The following MSRB3 variants were observed in gnomAD, a reference collection of about 807,000 sequenced individuals.
MSRB3 encodes methionine-R-sulfoxide reductase B3.
In MSRB3, 13 loss-of-function variants were observed where a neutral mutation model predicts 21.0. The observed-to-expected ratio is 0.62, with a 90% CI of 0.40 to 0.98. MSRB3 has a LOEUF of 0.98. Ranked by LOEUF, MSRB3 falls within the 50% of genes least tolerant of loss-of-function variation. The probability of loss-of-function intolerance (pLI) is 0.00; values close to 1 mark genes in which losing one functional copy is unlikely to be tolerated. For synonymous variants in MSRB3, 87 were observed against 88.6 expected (o/e 0.98, Z 0.10); for missense variants, 199 against 230.3 (o/e 0.86, Z 0.88).
At chr12:65,451,536 A>G (rs1278197908) in intron 5 of MSRB3, among the ~76,000 whole-genome samples, 1 of 152,156 alleles carries the variant, frequency 6.6e-6, no homozygotes, top group Non-Finnish European at 1.5e-5. Context: ...TGGCTTTGCT[A>G]CTTACTGCCT....
rs1883426050 is a variant in MSRB3, at chr12:65,463,483, A to G, written c.*161A>G. The G allele has an allele frequency of 3.5e-6, 3 of 861,674 alleles. No individual in the cohort carries two copies. The East Asian group carries it at 8.1e-5, about 23-fold the overall frequency. 53.4% of individuals were successfully genotyped at this position (861,674 alleles called of 1,614,324 possible). Reference sequence around the variant, plus strand: ...GCTTAAACAGAAGCCCTGGCCATCCATGTATTTTGCAATTGACTAGATCAA... The same window carrying G: ...GCTTAAACAGAAGCCCTGGCCATCCGTGTATTTTGCAATTGACTAGATCAA... On this transcript the variant is annotated 3_prime_UTR_variant, in exon 7 of 7. Coordinates refer to ENST00000308259, the MANE Select transcript of MSRB3 (RefSeq NM_001031679.3).
At chr12:65,386,058 A>C (rs1482207564) in intron 5 of MSRB3, among the ~76,000 whole-genome samples, 1 of 151,928 alleles carries the variant, frequency 6.6e-6, no homozygotes, top group East Asian at 1.9e-4. Context: ...CTTACTTAAA[A>C]ATCATTTTTT....
At chr12:65,314,054 G>A (rs142005741) in intron 2 of MSRB3, among the ~76,000 whole-genome samples, 2 of 152,216 alleles carry the variant, frequency 1.3e-5, no homozygotes, top group East Asian at 1.9e-4. Flanking sequence ...CTTATATTAT[G>A]TTCAAACAAT....
intron 5 of MSRB3, among the ~76,000 whole-genome samples, chr12:65,391,984 T>G (rs1313489908): frequency 6.6e-6 from 1 of 152,220 alleles, no homozygotes; most frequent in Non-Finnish European, 1.5e-5. Flanking sequence ...CTGATTTTCC[T>G]GCTACAGTAG....
At chr12:65,440,732 T>C (rs1295924488) in intron 5 of MSRB3, among the ~76,000 whole-genome samples, 4 of 151,902 alleles carry the variant, frequency 2.6e-5, no homozygotes, top group Non-Finnish European at 5.9e-5. Context: ...TCTGGTCTAG[T>C]GACATAAGTA....
Position 65,460,219 on chromosome 12 carries a change from G to A in MSRB3, c.391-2936G>A, listed in dbSNP as rs144493784. Among the ~76,000 whole-genome samples the A allele has an allele frequency of 2.3e-3, 351 of 152,300 alleles. 2 individuals are homozygous for A. Among genetic ancestry groups the A allele is most frequent in the African/African-American group, 7.8e-3 (326 of 41,570 alleles). On this transcript the variant is annotated intron_variant, in intron 6 of 6. Transcript: ENST00000308259. ...ACCCCAACACATTGCCAGTTGGCTG[G>A]GGCCTGGGAGGCAGAGCTTGCAGGC...
intron 1 of MSRB3, 176 bp downstream of exon 1, chr12:65,279,041 G>T: frequency 7.0e-7 from 1 of 1,426,878 alleles, no homozygotes; most frequent in Non-Finnish European, 9.1e-7. Flanking sequence ...GTTGCGCCCC[G>T]CGCCAGCGGT....
intron 6 of MSRB3, among the ~76,000 whole-genome samples, chr12:65,456,850 G>T (rs1883110745): frequency 6.6e-6 from 1 of 152,222 alleles, no homozygotes. Flanking sequence ...TGCCCTTGTG[G>T]ATGGAGGAGG....
At chr12:65,300,809 G>C (rs1873282873) in intron 1 of MSRB3, among the ~76,000 whole-genome samples, 1 of 152,324 alleles carries the variant, frequency 6.6e-6, no homozygotes, top group Middle Eastern at 3.4e-3. Context: ...GAACATTGCT[G>C]TTCCCTGCTG....
rs572154926 is a variant in MSRB3, at chr12:65,352,795, C to T, written c.264-16203C>T. 5.2e-3 allele frequency among the ~76,000 whole-genome samples: 780 copies of T among 150,358 alleles called. 6 individuals are homozygous for T. Among genetic ancestry groups the T allele is most frequent in the African/African-American group, 0.018 (727 of 40,948 alleles). ...CCTCTTCAAGGAGAACTACAAACCA[C>T]TGCTCAATGAAATAAAAGAGGATAC... On this transcript the variant is annotated intron_variant, in intron 4 of 6. Coordinates refer to ENST00000308259, the MANE Select transcript of MSRB3 (RefSeq NM_001031679.3).
intron 4 of MSRB3, among the ~76,000 whole-genome samples, chr12:65,363,132 C>A (rs1013542607): frequency 6.6e-6 from 1 of 152,176 alleles, no homozygotes; most frequent in Non-Finnish European, 1.5e-5. Flanking sequence ...TAGTTGATAT[C>A]AGTTAAAAAC....
At chr12:65,314,197 A>G (rs1874156608) in intron 2 of MSRB3, among the ~76,000 whole-genome samples, 1 of 152,158 alleles carries the variant, frequency 6.6e-6, no homozygotes, top group Admixed American at 6.5e-5. Context: ...ATTATCTTGT[A>G]TCCAAATAGC....
chr12:65,344,759 G>A (rs935146546), intron 4 of MSRB3, among the ~76,000 whole-genome samples: 4 of 151,996 alleles, frequency 2.6e-5, no homozygotes, highest in African/African-American at 9.7e-5. Flanking sequence ...TCAAAACCAT[G>A]TCACTTTGAA....
intron 4 of MSRB3, among the ~76,000 whole-genome samples, chr12:65,335,722 A>C (rs1214570049): frequency 6.6e-6 from 1 of 152,066 alleles, no homozygotes; most frequent in African/African-American, 2.4e-5. Context: ...AACTCTCCTT[A>C]CGATATTTAA....
intron 2 of MSRB3, among the ~76,000 whole-genome samples, chr12:65,311,742 C>G (rs1294984918): frequency 6.6e-6 from 1 of 151,994 alleles, no homozygotes; most frequent in Non-Finnish European, 1.5e-5. Flanking sequence ...TGTTCCCTAA[C>G]CAGTACCCTA....
At chr12:65,377,763 C>T (rs373982907) in intron 5 of MSRB3, among the ~76,000 whole-genome samples, 2 of 152,188 alleles carry the variant, frequency 1.3e-5, no homozygotes, top group African/African-American at 4.8e-5. Flanking sequence ...GCTACAGGGC[C>T]AGAGTTGACA....
intron 2 of MSRB3, among the ~76,000 whole-genome samples, chr12:65,311,771 C>T (rs1874000089): frequency 6.6e-6 from 1 of 151,968 alleles, no homozygotes; most frequent in African/African-American, 2.4e-5. Flanking sequence ...GAGTATTATT[C>T]AATATGAAAT....
At chr12:65,426,106 C>T (rs1881586631) in intron 5 of MSRB3, among the ~76,000 whole-genome samples, 1 of 151,910 alleles carries the variant, frequency 6.6e-6, no homozygotes, top group Non-Finnish European at 1.5e-5. Flanking sequence ...AATCTGCCCG[C>T]CCGCCTCAGC....
chr12:65,310,747 G>A (rs1194809572), intron 2 of MSRB3, among the ~76,000 whole-genome samples: 1 of 152,224 alleles, frequency 6.6e-6, no homozygotes, highest in African/African-American at 2.4e-5. Context: ...ATTCAGCAAA[G>A]CTGATAGTTT....
Sources: gnomAD v4.1 joint callset for allele counts (sites outside exome capture counted in the v4.1 genomes callset) on GRCh38, gnomAD v4.1.1 for gene constraint, MANE v1.5 for transcripts, NCBI Gene and HGNC (gene_info 2026-07-23, HGNC 2026-07-21) for gene names.